The following PALD1 variants were observed in gnomAD, a reference collection of about 807,000 sequenced individuals.
PALD1 encodes phosphatase domain containing paladin 1.
PALD1 carries 57 observed loss-of-function variants against 96.0 expected under a neutral mutation model. That is an observed-to-expected ratio of 0.59 (90% CI 0.48 to 0.74). PALD1 has a LOEUF of 0.74. Ranked by LOEUF, PALD1 falls within the 30% of genes least tolerant of loss-of-function variation. The probability of loss-of-function intolerance (pLI) is 0.00; values close to 1 mark genes in which losing one functional copy is unlikely to be tolerated. For synonymous variants in PALD1, 464 were observed against 473.6 expected (o/e 0.98, Z 0.26); for missense variants, 1,063 against 1,143.7 (o/e 0.93, Z 1.02).
At chr10:70,538,775 T>C (rs1183464735) in intron 12 of PALD1, 117 bp from the exon 13 acceptor site, 1 of 846,318 alleles carries the variant, frequency 1.2e-6, no homozygotes, top group African/African-American at 1.7e-5. Context: ...AGGAGTGCTT[T>C]GTAAACTGTG....
intron 1 of PALD1, among the ~76,000 whole-genome samples, chr10:70,512,555 C>T (rs1022327387): frequency 1.3e-5 from 2 of 152,202 alleles, no homozygotes; most frequent in Admixed American, 1.3e-4. Flanking sequence ...CAGAGCATGC[C>T]AAGAAAGTGT....
chr10:70,463,180 A>G, the PALD1 span, among the ~76,000 whole-genome samples: 32 of 152,294 alleles, frequency 2.1e-4, no homozygotes, highest in South Asian at 4.1e-3. Context: ...CAAGGCGGGC[A>G]GATCACAAGG....
chr10:70,501,559 G>A (rs1054153884), intron 1 of PALD1, among the ~76,000 whole-genome samples: 1 of 152,192 alleles, frequency 6.6e-6, no homozygotes, highest in Non-Finnish European at 1.5e-5. Context: ...CCTCGGGAGC[G>A]TCCTCACCCC....
chr10:70,516,702 C>T (rs1409072706), intron 1 of PALD1, among the ~76,000 whole-genome samples: 1 of 151,698 alleles, frequency 6.6e-6, no homozygotes, highest in Non-Finnish European at 1.5e-5. Flanking sequence ...TACAGGCATG[C>T]ACCACCACAC....
rs779693864 is a variant in PALD1 at position 70,539,124 on chromosome 10, C to T, written c.1602C>T (p.Asp534=). 66 of 1,613,758 alleles carry T rather than the reference C, an allele frequency of 4.1e-5. 1 individual carries two copies. Among genetic ancestry groups the T allele is most frequent in the South Asian group, 3.4e-4 (31 of 91,072 alleles). Residue 534 remains aspartate, a synonymous_variant, in exon 14 of 20, where the codon GAC becomes GAT. Coordinates refer to ENST00000263563, the MANE Select transcript of PALD1 (RefSeq NM_014431.3). The surrounding 1 kb of genome is among the most constrained non-coding windows in gnomAD (Gnocchi z 4.5). ...ALGSILAYLT[D]AKRRLRKVVW... is the part of the protein sequence containing the mutation. Reference sequence around the variant, plus strand: ...GGAGCATCCTGGCCTACCTGACGGACGCCAAGAGGAGGCTGCGGAAGGTTG... The same window carrying T: ...GGAGCATCCTGGCCTACCTGACGGATGCCAAGAGGAGGCTGCGGAAGGTTG...
upstream of PALD1, among the ~76,000 whole-genome samples, chr10:70,476,508 G>GGGGCTGGTGGT (rs745370418): frequency 3.9e-5 from 6 of 152,204 alleles, no homozygotes; most frequent in African/African-American, 1.4e-4. Context: ...GGCCCTCTGG[G>GGGGCTGGTGGT]GGGCTGGTGG....
At chr10:70,549,777 T>C (rs181300790) in intron 18 of PALD1, among the ~76,000 whole-genome samples, 187 of 152,350 alleles carry the variant, frequency 1.2e-3, no homozygotes, top group South Asian at 9.9e-3. Flanking sequence ...TAGAGGTGAC[T>C]GCTTGACTCT....
rs749363649 is a variant in PALD1, at chr10:70,537,935, C to G, written c.1323+29C>G. ...GGGCCTGGGAGGAGCAGACCCACGT[C>G]CCCTCCTCCTGGGCCTCTCCCAGCC... On this transcript the variant is annotated intron_variant, in intron 11 of 19. Coordinates refer to ENST00000263563, the MANE Select transcript of PALD1 (RefSeq NM_014431.3). 4.1e-6 allele frequency: 6 copies of G among 1,461,556 alleles called. No individual in the cohort carries two copies. The African/African-American group carries it at 6.9e-5, about 17-fold the overall frequency. The allele number at this position is 1,461,556 out of a possible 1,614,324, so 90.5% of individuals were successfully genotyped here.
chr10:70,566,802 G>T lies in PALD1; in HGVS notation c.*69G>T. The T allele has an allele frequency of 1.8e-6, 2 of 1,094,002 alleles. No homozygotes were observed. The highest frequency in any genetic ancestry group is 1.5e-5 in the South Asian group (1 of 67,546). The allele number at this position is 1,094,002 out of a possible 1,614,324, so 67.8% of individuals were successfully genotyped here. A position where few individuals can be genotyped will look rare whatever the true frequency, so the allele number is the denominator to read the frequency against. On this transcript the variant is annotated 3_prime_UTR_variant, in exon 20 of 20. Transcript: ENST00000263563. ...GCCTGGGGTGTCTGAGGTGCTCTTG[G>T]CTGGGAGCGGCCCTGAGGGGTGCTG...
chr10:70,505,777 T>C (rs1322800155), intron 1 of PALD1, among the ~76,000 whole-genome samples: 1 of 152,136 alleles, frequency 6.6e-6, no homozygotes, highest in Non-Finnish European at 1.5e-5. Flanking sequence ...TCCCAGCATT[T>C]TGGGAGGCTG....
In PALD1 at chr10:70,529,923, A is replaced by G. The variant is rs1305632283; in HGVS notation, c.323A>G (p.Lys108Arg). The stretch of plus-strand genomic sequence containing the variant: ...TTCCTGGTGCGGGATGTCACTGAGA[A>G]GATGGATGTGCTGGGCACCGTGGGA... Reference protein sequence around the residue: ...RYFLVRDVTEKMDVLGTVGSC... With the variant: ...RYFLVRDVTERMDVLGTVGSC... The change falls in exon 4 of 20, where the codon AAG (lysine) becomes AGG (arginine). Residue 108 changes from lysine to arginine, a missense_variant. Lys to Arg is a conservative substitution (Grantham distance 26). Coordinates refer to ENST00000263563, the MANE Select transcript of PALD1 (RefSeq NM_014431.3). The G allele has an allele frequency of 7.4e-6, 12 of 1,613,948 alleles. No individual in the cohort carries two copies. The highest frequency in any genetic ancestry group is 9.3e-6 in the Non-Finnish European group (11 of 1,179,942).
chr10:70,464,299 C>T, the PALD1 span, among the ~76,000 whole-genome samples: 3 of 148,608 alleles, frequency 2.0e-5, no homozygotes, highest in Non-Finnish European at 3.0e-5. Flanking sequence ...GCAACCTCTA[C>T]CTCCCGGGTT....
chr10:70,463,171 A>G, the PALD1 span, among the ~76,000 whole-genome samples: 10 of 152,124 alleles, frequency 6.6e-5, no homozygotes, highest in East Asian at 1.9e-4. Context: ...TTGGGAGGCC[A>G]AGGCGGGCAG....
the PALD1 span, among the ~76,000 whole-genome samples, chr10:70,471,463 T>A: frequency 6.6e-6 from 1 of 152,218 alleles, no homozygotes; most frequent in Non-Finnish European, 1.5e-5. Flanking sequence ...ACTGTGGTCA[T>A]CTTTGTCCAT....
intron 10 of PALD1, among the ~76,000 whole-genome samples, chr10:70,535,144 C>T (rs1306938585): frequency 1.3e-5 from 2 of 152,252 alleles, no homozygotes; most frequent in Non-Finnish European, 2.9e-5. Context: ...CCAGGCCACT[C>T]ATGGCCTCCC....
At chr10:70,473,799 C>T (rs902204855), upstream of PALD1, among the ~76,000 whole-genome samples, 4 of 152,102 alleles carry the variant, frequency 2.6e-5, no homozygotes, top group African/African-American at 7.2e-5. Flanking sequence ...GCGCACGCCA[C>T]TATGCCTGGC....
At chr10:70,506,711 T>G (rs1846398880) in intron 1 of PALD1, among the ~76,000 whole-genome samples, 1 of 152,150 alleles carries the variant, frequency 6.6e-6, no homozygotes, top group Non-Finnish European at 1.5e-5. Flanking sequence ...CCCATTTTAC[T>G]TGCCCCTCTG....
intron 1 of PALD1, among the ~76,000 whole-genome samples, chr10:70,490,366 C>A (rs1257566135): frequency 1.3e-5 from 2 of 152,174 alleles, no homozygotes; most frequent in Non-Finnish European, 2.9e-5. Context: ...GGACCACAGG[C>A]ATGTGCCACC....
chr10:70,558,692 T>C (rs552282807), intron 18 of PALD1, among the ~76,000 whole-genome samples: 25 of 123,464 alleles, frequency 2.0e-4, no homozygotes, highest in East Asian at 8.0e-4. Context: ...CAAATTCTTG[T>C]AAGAATTTGC....
Sources: gnomAD v4.1 joint callset for allele counts (sites outside exome capture counted in the v4.1 genomes callset) on GRCh38, gnomAD v4.1.1 for gene constraint, Gnocchi (gnomAD v3.1) non-coding constraint, MANE v1.5 for transcripts, NCBI Gene and HGNC (gene_info 2026-07-23, HGNC 2026-07-21) for gene names.